The following NDUFB5 variants were observed in gnomAD, a reference collection of about 807,000 sequenced individuals.
The protein encoded by NDUFB5 is NADH dehydrogenase [ubiquinone] 1 beta subcomplex subunit 5, mitochondrial.
A neutral mutation model predicts 19.4 loss-of-function variants in NDUFB5; 19 were observed. That is an observed-to-expected ratio of 0.98 (90% CI 0.68 to 1.43). The LOEUF (loss-of-function observed/expected upper bound fraction) is 1.43. Among genes scored for constraint, NDUFB5 ranks in the 40% most tolerant of loss-of-function variants. The pLI, the probability that NDUFB5 is intolerant of heterozygous loss-of-function variation, is 0.00. For missense variants in NDUFB5, 233 were observed against 236.5 expected, an observed-to-expected ratio of 0.99 and a Z score of 0.10; for synonymous variants, 80 against 82.6, an observed-to-expected ratio of 0.97 and a Z score of 0.17.
chr3:179,615,587 A>G (rs992616076), intron 2 of NDUFB5: 15 of 465,802 alleles, frequency 3.2e-5, no homozygotes, highest in Non-Finnish European at 6.0e-5. Context: ...GGCTTAGAAA[A>G]TGGGAGATTG....
chr3:179,620,067 T>G (rs546132195), intron 5 of NDUFB5, among the ~76,000 whole-genome samples: 103 of 152,364 alleles, frequency 6.8e-4, no homozygotes, highest in African/African-American at 2.2e-3. Flanking sequence ...CTTGTAAATT[T>G]GTTTGAGTTC....
At chr3:179,617,883 A>G (rs1295328707) in intron 4 of NDUFB5, among the ~76,000 whole-genome samples, 2 of 152,224 alleles carry the variant, frequency 1.3e-5, no homozygotes, top group Admixed American at 6.5e-5. Context: ...TGCCACTGCT[A>G]CCAAAATCCA....
chr3:179,607,778 G>A, intron 1 of NDUFB5: 3 of 702,512 alleles, frequency 4.3e-6, no homozygotes, highest in Non-Finnish European at 7.8e-6. Flanking sequence ...CCACCATTCT[G>A]CTGTCTTTAT....
At chr3:179,607,812 T>A (rs1006662716) in intron 1 of NDUFB5, 24 of 702,724 alleles carry the variant, frequency 3.4e-5, no homozygotes, top group Admixed American at 3.2e-4. Context: ...CTATTTCTCA[T>A]GTAAGTAGAA....
In NDUFB5 at chr3:179,624,279, A is replaced by G. The variant is rs1283582748; in HGVS notation, c.*239A>G. The G allele has an allele frequency of 1.9e-5, 6 of 321,440 alleles. No homozygotes were observed. In the East Asian group the frequency reaches 4.0e-4, roughly 22 times the overall value. 19.9% of individuals were successfully genotyped at this position (321,440 alleles called of 1,614,324 possible). ...TTTGTGAACTCCTAAAATTGTAGCA[A>G]CTTTGAAAGGTTAGTGTTTTATTTA... On this transcript the variant is annotated 3_prime_UTR_variant, in exon 6 of 6. Transcript: ENST00000259037.
At chr3:179,616,956 T>G (rs746907630) in intron 3 of NDUFB5, 27 bp from the exon 4 acceptor site, 2 of 1,576,392 alleles carry the variant, frequency 1.3e-6, no homozygotes, top group Non-Finnish European at 1.7e-6. Flanking sequence ...CATGCTAAAG[T>G]TAAACATAAC....
intron 1 of NDUFB5, among the ~76,000 whole-genome samples, chr3:179,614,106 G>A (rs1245695285): frequency 6.6e-6 from 1 of 152,194 alleles, no homozygotes; most frequent in Non-Finnish European, 1.5e-5. Context: ...GAAAAGATAG[G>A]AACCTTCAGT....
At chr3:179,605,103 G>C (rs1184188166) in intron 1 of NDUFB5, among the ~76,000 whole-genome samples, 164 bp downstream of exon 1, 1 of 152,104 alleles carries the variant, frequency 6.6e-6, no homozygotes, top group Non-Finnish European at 1.5e-5. Flanking sequence ...GGGTTTTCCT[G>C]AAGTAGCCAG....
At position 179,627,472 on chromosome 3, in the gene NDUFB5, G is replaced by C. The variant is rs934675528; in HGVS notation, c.*3432G>C. On this transcript the variant is annotated 3_prime_UTR_variant, in exon 6 of 6. Coordinates refer to ENST00000259037, the MANE Select transcript of NDUFB5 (RefSeq NM_002492.4). ...TAAGAAATGATGTAATGCATGTCTT[G>C]ACTGAATAACTGTCTTTGTTTCTTG... is the stretch of plus-strand genomic sequence containing the variant. 3 of 152,180 alleles carry C rather than the reference G, an allele frequency of 2.0e-5. No individual in the cohort carries two copies. Among genetic ancestry groups the C allele is most frequent in the African/African-American group, 7.2e-5 (3 of 41,434 alleles). 9.4% of individuals were successfully genotyped at this position (152,180 alleles called of 1,614,324 possible).
intron 4 of NDUFB5, among the ~76,000 whole-genome samples, chr3:179,618,048 A>G (rs546600605): frequency 4.5e-4 from 69 of 152,328 alleles, no homozygotes; most frequent in African/African-American, 1.6e-3. Flanking sequence ...TGTTTATGCT[A>G]ACTGGTGCAA....
rs1719700861 is a variant in NDUFB5 at position 179,627,556 on chromosome 3, G to A, written c.*3516G>A. The stretch of plus-strand genomic sequence containing the variant: ...CCCCTGCCCCACGAAATGCTTAAAA[G>A]CTAACTTAACTCTTTGTTCAGGGCT... On this transcript the variant is annotated 3_prime_UTR_variant, in exon 6 of 6. Coordinates refer to ENST00000259037, the MANE Select transcript of NDUFB5 (RefSeq NM_002492.4). 6.6e-6 allele frequency: 1 copy of A among 152,160 alleles called. No individual in the cohort carries two copies. Among genetic ancestry groups the A allele is most frequent in the Non-Finnish European group, 1.5e-5 (1 of 68,130 alleles). 9.4% of individuals were successfully genotyped at this position (152,160 alleles called of 1,614,324 possible). A position where few individuals can be genotyped will look rare whatever the true frequency, so the allele number is the denominator to read the frequency against.
chr3:179,618,232 T>C, intron 4 of NDUFB5, 183 bp from the exon 5 acceptor site: 4 of 459,322 alleles, frequency 8.7e-6, no homozygotes, highest in Non-Finnish European at 1.5e-5. Context: ...CACTTATCTT[T>C]AAAATGCGGA....
In NDUFB5 at chr3:179,604,863, A is replaced by T. The variant is rs1208464562; in HGVS notation, c.48A>T (p.Ala16=). The part of the protein sequence containing the change: ...LLRRVSVTAV[A]ALSGRPLGTR... ...GGCGGGTTTCGGTTACTGCGGTGGCAGCTCTGTCTGGCCGGCCCCTTGGCA... is the reference window on the plus strand; with the variant it reads ...GGCGGGTTTCGGTTACTGCGGTGGCTGCTCTGTCTGGCCGGCCCCTTGGCA... The change falls in exon 1 of 6, where the codon GCA becomes GCT. Residue 16 remains alanine, a synonymous_variant. Transcript: ENST00000259037. 6.2e-7 allele frequency: 1 copy of T among 1,601,048 alleles called. No homozygotes were observed.
intron 2 of NDUFB5, 53 bp from the exon 3 acceptor site, chr3:179,615,930 G>T: frequency 7.7e-7 from 1 of 1,303,110 alleles, no homozygotes. Context: ...GATGATTTGT[G>T]TGTGGGGAGA....
intron 1 of NDUFB5, among the ~76,000 whole-genome samples, chr3:179,605,887 GT>G (rs1422315950): frequency 2.6e-5 from 4 of 151,940 alleles, no homozygotes; most frequent in African/African-American, 9.7e-5. Context: ...CACCCCCCGG[GT>G]TCAAGCGATT....
At position 179,624,795 on chromosome 3, in the gene NDUFB5, CTTTTTTTTTT is replaced by C. The variant is rs56727188; in HGVS notation, c.*767_*776del. The C allele has an allele frequency of 4.1e-5, 4 of 97,276 alleles. No homozygotes were observed. The highest frequency in any genetic ancestry group is 7.0e-5 in the African/African-American group (2 of 28,492). The allele number at this position is 97,276 out of a possible 1,614,324, so 6.0% of individuals were successfully genotyped here. On this transcript the variant is annotated 3_prime_UTR_variant, in exon 6 of 6. Coordinates refer to ENST00000259037, the MANE Select transcript of NDUFB5 (RefSeq NM_002492.4). ...GCATTTTTTAACATTATTTTCTTTT[CTTTTTTTTTT>C]TTTTTTTTTTTGACGAAATCTTGCA...
At chr3:179,607,514 A>G (rs1425236633) in intron 1 of NDUFB5, among the ~76,000 whole-genome samples, 1 of 152,238 alleles carries the variant, frequency 6.6e-6, no homozygotes, top group Non-Finnish European at 1.5e-5. Flanking sequence ...CTCAAAAGGT[A>G]GTTGTGAAGA....
chr3:179,610,166 C>T (rs1560023831), intron 1 of NDUFB5, among the ~76,000 whole-genome samples: 1 of 152,164 alleles, frequency 6.6e-6, no homozygotes, highest in Non-Finnish European at 1.5e-5. Flanking sequence ...AATCATAGCT[C>T]ACTGTAGCCT....
chr3:179,623,229 A>G (rs929493014), intron 5 of NDUFB5, among the ~76,000 whole-genome samples: 1 of 152,244 alleles, frequency 6.6e-6, no homozygotes, highest in Non-Finnish European at 1.5e-5. Flanking sequence ...GCATATGGCC[A>G]TAGTAGTAGA....
Sources: gnomAD v4.1 joint callset for allele counts (sites outside exome capture counted in the v4.1 genomes callset) on GRCh38, gnomAD v4.1.1 for gene constraint, MANE v1.5 for transcripts, NCBI Gene and HGNC (gene_info 2026-07-23, HGNC 2026-07-21) for gene names.